Variants in PSD3 observed in about 807,000 individuals in gnomAD.
PSD3 encodes the protein PH and SEC7 domain-containing protein 3.
A neutral mutation model predicts 105.5 loss-of-function variants in PSD3; 49 were observed. The ratio of observed to expected loss-of-function variants is 0.46; its 90% CI spans 0.37 to 0.59. The LOEUF is 0.59. Among genes scored for constraint, PSD3 ranks in the 20% least tolerant of loss-of-function variants. The pLI is 0.00. For missense variants in PSD3, 1,561 were observed against 1,263.8 expected (o/e 1.24, Z -3.57); for synonymous variants, 557 against 457.8 (o/e 1.22, Z -2.77).
intron 8 of PSD3, among the ~76,000 whole-genome samples, chr8:18,779,013 G>C (rs1808354301): frequency 6.6e-6 from 1 of 152,098 alleles, no homozygotes; most frequent in Admixed American, 6.5e-5. Context: ...TTTCGGAATA[G>C]TTTGAGGAGA....
chr8:18,845,915 T>C (rs960167415), intron 4 of PSD3, among the ~76,000 whole-genome samples: 4 of 152,210 alleles, frequency 2.6e-5, no homozygotes, highest in African/African-American at 7.2e-5. Flanking sequence ...TCTTGACCAA[T>C]AGCATGAATA....
chr8:19,080,288 T>C (rs1363276414), intron 1 of PSD3, among the ~76,000 whole-genome samples: 1 of 152,218 alleles, frequency 6.6e-6, no homozygotes, highest in Non-Finnish European at 1.5e-5. Context: ...GGTAGAAAGA[T>C]TTCCTGGAGA....
chr8:19,037,952 T>G (rs993845566), intron 1 of PSD3, among the ~76,000 whole-genome samples: 17 of 149,258 alleles, frequency 1.1e-4, no homozygotes, highest in African/African-American at 3.9e-4. Flanking sequence ...TATATACACA[T>G]TAAAAGTATA....
chr8:19,031,849 T>A (rs1490934435), intron 1 of PSD3, among the ~76,000 whole-genome samples: 1 of 152,176 alleles, frequency 6.6e-6, no homozygotes. Context: ...TTAGACATTA[T>A]CTAACTCAAT....
intron 11 of PSD3, among the ~76,000 whole-genome samples, chr8:18,621,865 T>G (rs954944349): frequency 6.6e-6 from 1 of 152,224 alleles, no homozygotes; most frequent in Non-Finnish European, 1.5e-5. Context: ...ATCTCTTAAT[T>G]ATAGTGTCGC....
In PSD3 at chr8:18,545,736, T is replaced by C. The variant is rs796542119; in HGVS notation, c.2929-9778A>G. ...GTTTACACTTTGCTTTTCCTTCTGA[T>C]TGTACTGGAATTCCCCGAAGTCATA... is the stretch of plus-strand genomic sequence containing the variant. On this transcript the variant is annotated intron_variant, in intron 15 of 15. Coordinates refer to ENST00000327040, the MANE Select transcript of PSD3 (RefSeq NM_015310.4). Among the ~76,000 whole-genome samples, 5 of 152,330 alleles carry C rather than the reference T, an allele frequency of 3.3e-5. 1 individual carries two copies. The highest frequency in any genetic ancestry group is 1.2e-4 in the African/African-American group (5 of 41,580).
chr8:18,993,299 T>C (rs752532968), intron 1 of PSD3, among the ~76,000 whole-genome samples: 3 of 152,164 alleles, frequency 2.0e-5, no homozygotes, highest in Non-Finnish European at 4.4e-5. Context: ...CTATGACCTC[T>C]CCTGACATCA....
intron 12 of PSD3, among the ~76,000 whole-genome samples, chr8:18,598,519 A>C (rs1804205882): frequency 6.6e-6 from 1 of 152,128 alleles, no homozygotes; most frequent in Non-Finnish European, 1.5e-5. Context: ...CAAAGTGATA[A>C]AACGCATTAA....
intron 11 of PSD3, among the ~76,000 whole-genome samples, chr8:18,604,542 GA>G (rs1054571550): frequency 3.2e-4 from 47 of 144,826 alleles, no homozygotes; most frequent in Admixed American, 2.5e-3. Flanking sequence ...CCACGTGATA[GA>G]AAAAAAAAAG....
chr8:18,624,944 C>A (rs545080972), intron 11 of PSD3, among the ~76,000 whole-genome samples: 1 of 151,766 alleles, frequency 6.6e-6, no homozygotes, highest in African/African-American at 2.4e-5. Context: ...CTATGTTGCC[C>A]AGGCTGGTCT....
intron 1 of PSD3, among the ~76,000 whole-genome samples, chr8:18,998,415 C>T (rs118160463): frequency 0.1 from 15,746 of 151,948 alleles, 1,219 homozygotes; most frequent in Non-Finnish European, 0.16. Context: ...GGGCCGGGTG[C>T]GGTGGCTCAC....
At chr8:18,710,036 C>T (rs1401421085) in intron 9 of PSD3, among the ~76,000 whole-genome samples, 2 of 152,194 alleles carry the variant, frequency 1.3e-5, no homozygotes, top group African/African-American at 4.8e-5. Context: ...GTGGTAATAA[C>T]AAGCTTTGCT....
intron 4 of PSD3, among the ~76,000 whole-genome samples, chr8:18,851,083 G>A (rs1815528021): frequency 6.6e-6 from 1 of 152,126 alleles, no homozygotes; most frequent in Non-Finnish European, 1.5e-5. Context: ...TATCTCAACA[G>A]GTAAGAGGAA....
rs1213755572 is a variant in PSD3 at position 18,949,221 on chromosome 8, C to CAAAAAAAAA, written c.22-13088_22-13080dup. ...TGGGCTACAGATCGAGACTCTGTCT[C>CAAAAAAAAA]AAAAAAAAAAAAAAAAAAAAAAAAT... is the stretch of plus-strand genomic sequence containing the variant. On this transcript the variant is annotated intron_variant, in intron 1 of 15. Coordinates refer to ENST00000327040, the MANE Select transcript of PSD3 (RefSeq NM_015310.4). Among the ~76,000 whole-genome samples the CAAAAAAAAA allele has an allele frequency of 6.7e-4, 8 of 11,900 alleles. 2 individuals are homozygous for CAAAAAAAAA. Among genetic ancestry groups the CAAAAAAAAA allele is most frequent in the Admixed American group, 4.3e-3 (2 of 464 alleles). 7.8% of individuals were successfully genotyped at this position (11,900 alleles called of 152,430 possible).
At chr8:19,075,672 G>C (rs1829443670) in intron 1 of PSD3, among the ~76,000 whole-genome samples, 1 of 152,170 alleles carries the variant, frequency 6.6e-6, no homozygotes, top group Admixed American at 6.5e-5. Context: ...ACGATGTGCA[G>C]ATAGTAACTT....
chr8:18,986,482 G>T (rs1825500742), intron 1 of PSD3, among the ~76,000 whole-genome samples: 1 of 151,004 alleles, frequency 6.6e-6, no homozygotes, highest in Non-Finnish European at 1.5e-5. Context: ...ATTCAGTAAG[G>T]TCTCTCTGGC....
intron 10 of PSD3, among the ~76,000 whole-genome samples, chr8:18,648,356 A>AGGTTATGT (rs1808214201): frequency 1.3e-5 from 2 of 152,188 alleles, no homozygotes; most frequent in African/African-American, 4.8e-5. Flanking sequence ...ACTAAAGCAA[A>AGGTTATGT]GGTTATGTTT....
intron 1 of PSD3, among the ~76,000 whole-genome samples, chr8:19,046,434 CT>C (rs1828322029): frequency 6.6e-6 from 1 of 152,092 alleles, no homozygotes; most frequent in African/African-American, 2.4e-5. Flanking sequence ...TACTTCTGAC[CT>C]TTTCATCATT....
intron 9 of PSD3, among the ~76,000 whole-genome samples, chr8:18,720,299 C>A (rs907360673): frequency 1.3e-5 from 2 of 152,162 alleles, no homozygotes; most frequent in African/African-American, 4.8e-5. Flanking sequence ...ACATGAACCA[C>A]CAGATGTTTA....
Sources: allele counts gnomAD v4.1 joint callset (sites outside exome capture counted in the v4.1 genomes callset), GRCh38; gene constraint gnomAD v4.1.1; transcripts MANE v1.5; gene names NCBI Gene and HGNC (gene_info 2026-07-23, HGNC 2026-07-21).